SOX5: variants seen among roughly 807,000 people sequenced by gnomAD.
The protein encoded by SOX5 is SRY-box transcription factor 5, also known as transcription factor SOX-5.
A neutral mutation model predicts 92.0 loss-of-function variants in SOX5; 9 were observed. The ratio of observed to expected loss-of-function variants is 0.10; its 90% CI spans 0.06 to 0.17. SOX5 has a LOEUF of 0.17. SOX5 is among the 10% of genes least tolerant of loss of function. SOX5 has a pLI of 1.00. For synonymous variants in SOX5, 344 were observed against 336.3 expected, an observed-to-expected ratio of 1.02 and a Z score of -0.25; for missense variants, 642 against 944.5, an observed-to-expected ratio of 0.68 and a Z score of 4.20.
intron 6 of SOX5, among the ~76,000 whole-genome samples, chr12:23,715,809 CAAAAAAAAAAA>C (rs35450544): frequency 4.1e-5 from 3 of 72,822 alleles, no homozygotes; most frequent in Non-Finnish European, 8.1e-5. Flanking sequence ...AGTAATTTCC[CAAAAAAAAAAA>C]AAAAAAAAAA....
At chr12:24,329,742 G>C (rs1279756168) in intron 2 of SOX5, among the ~76,000 whole-genome samples, 1 of 152,162 alleles carries the variant, frequency 6.6e-6, no homozygotes, top group Non-Finnish European at 1.5e-5. Context: ...TATAGTTAAG[G>C]CTGGGCATGG....
intron 1 of SOX5, among the ~76,000 whole-genome samples, chr12:24,469,093 G>A (rs1241808022): frequency 6.6e-6 from 1 of 152,156 alleles, no homozygotes; most frequent in Non-Finnish European, 1.5e-5. Flanking sequence ...TTGTTTTTCT[G>A]CAACTAGGCG....
chr12:23,695,118 CAA>C (rs11464821), intron 6 of SOX5, among the ~76,000 whole-genome samples: 1 of 139,574 alleles, frequency 7.2e-6, no homozygotes, highest in Non-Finnish European at 1.5e-5. Flanking sequence ...AACCTTGTCT[CAA>C]AAAAAAAAAA....
intron 2 of SOX5, among the ~76,000 whole-genome samples, chr12:24,358,701 C>T (rs923886109): frequency 9.2e-5 from 14 of 152,160 alleles, no homozygotes; most frequent in Non-Finnish European, 1.6e-4. Flanking sequence ...TGGAAGGTTA[C>T]TACAGCAAGG....
Position 23,973,254 on chromosome 12 carries a change from T to C in SOX5, c.-1-77230A>G, listed in dbSNP as rs1193570553. On this transcript the variant is annotated intron_variant, in intron 4 of 4. Transcript: ENST00000446891. ...TCAGCTCACTGCAACCTCTGCCTCC[T>C]GGGTTCAAGTGACTTCCTGCCTCAG... 2.7e-5 allele frequency among the ~76,000 whole-genome samples: 4 copies of C among 149,962 alleles called. No individual in the cohort carries two copies. The East Asian group carries it at 6.0e-4, about 22-fold the overall frequency.
At chr12:24,202,436 A>G (rs936509523) in intron 4 of SOX5, among the ~76,000 whole-genome samples, 3 of 152,244 alleles carry the variant, frequency 2.0e-5, no homozygotes, top group African/African-American at 7.2e-5. Flanking sequence ...ACAAATTAAC[A>G]TATTATAGAA....
intron 2 of SOX5, among the ~76,000 whole-genome samples, chr12:23,856,917 A>G (rs2096698353): frequency 6.6e-6 from 1 of 152,102 alleles, no homozygotes; most frequent in African/African-American, 2.4e-5. Flanking sequence ...CCATGAAGAC[A>G]GGGAACATGT....
chr12:23,957,327 A>C (rs1946394301), intron 4 of SOX5, among the ~76,000 whole-genome samples: 1 of 152,276 alleles, frequency 6.6e-6, no homozygotes, highest in Middle Eastern at 3.4e-3. Flanking sequence ...GACTAAGTTC[A>C]TCTATTTGTG....
chr12:24,530,048 C>G (rs891396241), intron 1 of SOX5, among the ~76,000 whole-genome samples: 1 of 139,658 alleles, frequency 7.2e-6, no homozygotes, highest in African/African-American at 2.6e-5. Flanking sequence ...AAAAGCCGTA[C>G]AAGTAGGACT....
At chr12:23,882,645 C>T (rs563166373) in intron 2 of SOX5, among the ~76,000 whole-genome samples, 20 of 151,816 alleles carry the variant, frequency 1.3e-4, no homozygotes, top group Non-Finnish European at 2.2e-4. Flanking sequence ...ATTACAAGCG[C>T]GATGGAAAAG....
At chr12:24,286,415 C>A (rs1284070715) in intron 2 of SOX5, among the ~76,000 whole-genome samples, 1 of 152,098 alleles carries the variant, frequency 6.6e-6, no homozygotes, top group African/African-American at 2.4e-5. Context: ...TGAAAAAGAT[C>A]AAATTCAAGA....
intron 3 of SOX5, among the ~76,000 whole-genome samples, chr12:24,250,113 C>T (rs1939733102): frequency 6.6e-6 from 1 of 152,172 alleles, no homozygotes; most frequent in Admixed American, 6.5e-5. Flanking sequence ...TCCATCTAAA[C>T]TGCGTATTCC....
At chr12:24,500,394 T>A (rs943976145) in intron 1 of SOX5, among the ~76,000 whole-genome samples, 3 of 152,082 alleles carry the variant, frequency 2.0e-5, no homozygotes, top group Non-Finnish European at 4.4e-5. Flanking sequence ...TCCTTAAAAA[T>A]TCCCAGATAA....
intron 3 of SOX5, among the ~76,000 whole-genome samples, chr12:23,797,098 A>G (rs960876346): frequency 2.6e-5 from 4 of 151,784 alleles, no homozygotes; most frequent in African/African-American, 7.3e-5. Flanking sequence ...AATTAACACT[A>G]ATACACTTTA....
At chr12:24,012,865 C>T (rs1953116487) in intron 4 of SOX5, among the ~76,000 whole-genome samples, 1 of 152,142 alleles carries the variant, frequency 6.6e-6, no homozygotes, top group Non-Finnish European at 1.5e-5. Flanking sequence ...AACTACCAAA[C>T]ACTTCCTAAA....
At chr12:23,548,634 C>T (rs867625483) in intron 11 of SOX5, among the ~76,000 whole-genome samples, 2 of 151,722 alleles carry the variant, frequency 1.3e-5, no homozygotes, top group South Asian at 2.1e-4. Flanking sequence ...AAAAGGATAA[C>T]GTTGCCACAT....
intron 1 of SOX5, among the ~76,000 whole-genome samples, chr12:23,930,753 C>T (rs921074714): frequency 6.6e-6 from 1 of 151,718 alleles, no homozygotes; most frequent in African/African-American, 2.4e-5. Flanking sequence ...CCCAAGGGAA[C>T]TCGTCTTGCA....
Position 24,036,078 on chromosome 12 carries a change from G to A in SOX5, c.-1-140054C>T, listed in dbSNP as rs1956004642. Among the ~76,000 whole-genome samples the A allele has an allele frequency of 2.0e-5, 3 of 152,030 alleles. No individual in the cohort carries two copies. In the South Asian group the frequency reaches 6.2e-4, roughly 32 times the overall value. ...ATTCTTATAAAAGGCTTTAACTTAA[G>A]TGATAAAAATACTGAGATTCATCTA... On this transcript the variant is annotated intron_variant, in intron 4 of 4. Coordinates refer to the SOX5 transcript ENST00000446891.
At chr12:24,068,755 CACACAT>C (rs1941305487) in intron 4 of SOX5, among the ~76,000 whole-genome samples, 3 of 130,432 alleles carry the variant, frequency 2.3e-5, no homozygotes, top group Non-Finnish European at 4.8e-5. Context: ...TATACACACA[CACACAT>C]TAGTTCCTAG....
Sources: gnomAD v4.1 joint callset for allele counts (sites outside exome capture counted in the v4.1 genomes callset) on GRCh38, gnomAD v4.1.1 for gene constraint, MANE v1.5 for transcripts, NCBI Gene and HGNC (gene_info 2026-07-23, HGNC 2026-07-21) for gene names.